Variants in GON4L observed in about 807,000 individuals in gnomAD.
GON4L encodes GON-4-like protein.
GON4L carries 87 observed loss-of-function variants against 211.8 expected under a neutral mutation model. The observed-to-expected ratio is 0.41, with a 90% CI of 0.35 to 0.49. GON4L has a LOEUF of 0.49. Ranked by LOEUF, GON4L falls within the 20% of genes least tolerant of loss-of-function variation. GON4L has a pLI of 0.15. For missense variants in GON4L, 2,155 were observed against 2,659.5 expected (o/e 0.81, Z 4.17); for synonymous variants, 875 against 962.6 (o/e 0.91, Z 1.68).
Position 155,812,446 on chromosome 1 carries a change from T to G in GON4L, c.1452+1188A>C, listed in dbSNP as rs796363147. Among the ~76,000 whole-genome samples the G allele has an allele frequency of 1.1e-4, 17 of 152,208 alleles. 1 individual carries two copies. Among genetic ancestry groups the G allele is most frequent in the African/African-American group, 4.1e-4 (17 of 41,542 alleles). On this transcript the variant is annotated intron_variant, in intron 10 of 31. Transcript: ENST00000368331. ...AATAGATATTTAATCCAGGGTTGAA[T>G]GCTGAATAGGGAAAAAAAAATTTTT... is the stretch of plus-strand genomic sequence containing the variant.
intron 6 of GON4L, among the ~76,000 whole-genome samples, chr1:155,819,458 G>A (rs1668550640): frequency 1.3e-5 from 2 of 151,786 alleles, no homozygotes; most frequent in South Asian, 2.1e-4. Flanking sequence ...GTCTCATTAC[G>A]TTGCCCAGGC....
At chr1:155,762,666 G>C (rs996456758) in intron 22 of GON4L, among the ~76,000 whole-genome samples, 1 of 152,180 alleles carries the variant, frequency 6.6e-6, no homozygotes, top group African/African-American at 2.4e-5. Flanking sequence ...ACTATGTCTT[G>C]ATGAGGAACA....
At chr1:155,782,208 A>G (rs1664491154) in intron 14 of GON4L, among the ~76,000 whole-genome samples, 1 of 152,196 alleles carries the variant, frequency 6.6e-6, no homozygotes, top group Admixed American at 6.5e-5. Flanking sequence ...TACAGAATCC[A>G]GGATGCTTTA....
downstream of GON4L, chr1:155,746,918 G>C (rs768119241): frequency 1.9e-6 from 3 of 1,599,382 alleles, no homozygotes; most frequent in Admixed American, 1.7e-5. Context: ...CACAACCTGA[G>C]GGTCTCCATA....
intron 12 of GON4L, among the ~76,000 whole-genome samples, chr1:155,786,489 C>T (rs1371937467): frequency 6.6e-6 from 1 of 151,950 alleles, no homozygotes; most frequent in Non-Finnish European, 1.5e-5. Context: ...CAAGATCATG[C>T]CACTGCATTC....
In GON4L at chr1:155,765,527, G is replaced by T; in HGVS notation, c.3946C>A (p.Pro1316Thr). 1 of 1,614,148 alleles carries T rather than the reference G, an allele frequency of 6.2e-7. No homozygotes were observed. Among genetic ancestry groups the T allele is most frequent in the Non-Finnish European group, 8.5e-7 (1 of 1,180,026 alleles). ...PQGIQESLNN[P>T]TPGDLEEIVK... ...ATTTCCTCTAAATCCCCAGGGGTAGGGTTGTTTAGAGACTCCTGGATGCCC... is the reference window on the plus strand; with the variant it reads ...ATTTCCTCTAAATCCCCAGGGGTAGTGTTGTTTAGAGACTCCTGGATGCCC... Residue 1316 changes from proline to threonine, a missense_variant, in exon 21 of 32, where the codon CCT (proline) becomes ACT (threonine). Pro to Thr is a conservative substitution (Grantham distance 38, BLOSUM62 -1). Coordinates refer to ENST00000368331, the MANE Select transcript of GON4L (RefSeq NM_001282860.2).
At chr1:155,764,826 C>T in intron 21 of GON4L, 174 bp downstream of exon 21, 1 of 1,491,986 alleles carries the variant, frequency 6.7e-7, no homozygotes, top group African/African-American at 1.4e-5. Context: ...AAAATTTCAT[C>T]CTTTCCATCT....
At position 155,757,954 on chromosome 1, in the gene GON4L, G is replaced by A. The variant is rs1328009776; in HGVS notation, c.5190C>T (p.His1730=). The A allele has an allele frequency of 8.9e-6, 4 of 449,170 alleles. No individual in the cohort carries two copies. The highest frequency in any genetic ancestry group is 1.5e-5 in the Non-Finnish European group (4 of 265,256). 27.8% of individuals were successfully genotyped at this position (449,170 alleles called of 1,614,324 possible). The change falls in exon 25 of 32, where the codon CAC becomes CAT. Residue 1730 remains histidine, a synonymous_variant. Transcript: ENST00000368331. The part of the protein sequence containing the change: ...LEICFAENPS[H]HQKIIKVLQG... ...GGAGGACCTTGATAATCTTCTGGTG[G>A]TGTGAGGGGTTCTCTGCAAAGCAAA... is the stretch of plus-strand genomic sequence containing the variant.
intron 2 of GON4L, among the ~76,000 whole-genome samples, chr1:155,828,984 C>T (rs1297088096): frequency 6.6e-6 from 1 of 151,972 alleles, no homozygotes; most frequent in Admixed American, 6.6e-5. Context: ...TCACTGTGTA[C>T]TTTTTATATT....
chr1:155,821,896 C>A (rs1315917289), intron 4 of GON4L, among the ~76,000 whole-genome samples: 1 of 152,174 alleles, frequency 6.6e-6, no homozygotes, highest in Admixed American at 6.6e-5. Context: ...TGCTACATAT[C>A]AAGAAAAGTA....
intron 12 of GON4L, among the ~76,000 whole-genome samples, chr1:155,793,239 T>C (rs1380680758): frequency 2.0e-5 from 3 of 152,326 alleles, no homozygotes; most frequent in South Asian, 2.1e-4. Flanking sequence ...ATCCCTGTCA[T>C]AGTATATCAA....
intron 29 of GON4L, 120 bp from the exon 30 acceptor site, chr1:155,752,710 T>C: frequency 6.8e-7 from 1 of 1,474,802 alleles, no homozygotes; most frequent in Non-Finnish European, 9.2e-7. Context: ...CTGGGCATGG[T>C]GGCTCACACC....
In GON4L at chr1:155,808,745, G is replaced by A. The variant is rs141554659; in HGVS notation, c.1453-3604C>T. Among the ~76,000 whole-genome samples, 270 of 151,942 alleles carry A rather than the reference G, an allele frequency of 1.8e-3. 1 individual carries two copies. The highest frequency in any genetic ancestry group is 3.1e-3 in the Non-Finnish European group (212 of 67,934). On this transcript the variant is annotated intron_variant, in intron 10 of 31. Transcript: ENST00000368331. ...AGGCTCAGCCTCCCAAGTAGCTGAG[G>A]CTACAGGTGTGTAACAGGATGCCCA...
At chr1:155,800,306 C>T (rs1488624303) in intron 11 of GON4L, among the ~76,000 whole-genome samples, 1 of 152,142 alleles carries the variant, frequency 6.6e-6, no homozygotes, top group African/African-American at 2.4e-5. Flanking sequence ...ACCTGTAATC[C>T]CAGCACTTTG....
chr1:155,778,927 C>CTTAT (rs138782749), intron 14 of GON4L, among the ~76,000 whole-genome samples: 2,359 of 152,194 alleles, frequency 0.015, 51 homozygotes, highest in African/African-American at 0.054. Flanking sequence ...ACTACATTTT[C>CTTAT]TTATTTATCT....
intron 15 of GON4L, among the ~76,000 whole-genome samples, chr1:155,777,311 T>A (rs1663915274): frequency 6.6e-6 from 1 of 152,200 alleles, no homozygotes; most frequent in South Asian, 2.1e-4. Context: ...CAGGGCGCAG[T>A]GGCTCACGCC....
intron 21 of GON4L, chr1:155,764,680 C>G: frequency 1.6e-6 from 1 of 637,236 alleles, no homozygotes; most frequent in South Asian, 1.9e-5. Context: ...GCCTTGTGAT[C>G]CACCCACCTC....
At chr1:155,768,516 C>T (rs1225903540) in intron 19 of GON4L, among the ~76,000 whole-genome samples, 1 of 149,196 alleles carries the variant, frequency 6.7e-6, no homozygotes, top group Non-Finnish European at 1.5e-5. Flanking sequence ...GAGGCTCAGG[C>T]AGGAGAATGG....
chr1:155,777,649 C>T lies in GON4L; in HGVS notation c.2064G>A (p.Arg688=), dbSNP rs1437071688. Residue 688 remains arginine, a synonymous_variant, in exon 15 of 32, where the codon AGG becomes AGA. Transcript: ENST00000368331. ...HQTLILDPAQ[R]KRLQQQMQQH... is the part of the protein sequence containing the mutation. ...GCTGCATCTGCTGCTGGAGTCTCTT[C>T]CTCTGTGCTGGGTCCAGAATCAGAG... 2.5e-6 allele frequency: 4 copies of T among 1,613,758 alleles called. No homozygotes were observed. The South Asian group carries it at 3.3e-5, about 13-fold the overall frequency.
Sources: gnomAD v4.1 joint callset for allele counts (sites outside exome capture counted in the v4.1 genomes callset) on GRCh38, gnomAD v4.1.1 for gene constraint, MANE v1.5 for transcripts, NCBI Gene and HGNC (gene_info 2026-07-23, HGNC 2026-07-21) for gene names.